OLFM2: variants seen among roughly 807,000 people sequenced by gnomAD.
OLFM2 encodes the protein olfactomedin 2.
In OLFM2, 20 loss-of-function variants were observed where a neutral mutation model predicts 43.9. That is an observed-to-expected ratio of 0.46 (90% confidence interval 0.32 to 0.66). The LOEUF (loss-of-function observed/expected upper bound fraction) is 0.66. OLFM2 is among the 30% of genes least tolerant of loss of function. OLFM2 has a pLI of 0.04. For synonymous variants in OLFM2, 268 were observed against 278.6 expected (o/e 0.96, Z 0.38); for missense variants, 416 against 643.6 (o/e 0.65, Z 3.83).
chr19:9,886,405 C>G (rs2046587325), intron 1 of OLFM2, among the ~76,000 whole-genome samples: 1 of 151,898 alleles, frequency 6.6e-6, no homozygotes, highest in South Asian at 2.1e-4. Flanking sequence ...TGGGGTTTCA[C>G]CATGTTGGCC....
At chr19:9,913,828 A>C in intron 1 of OLFM2, 2 of 301,920 alleles carry the variant, frequency 6.6e-6, no homozygotes, top group Non-Finnish European at 9.8e-6. Context: ...CTCCTCTTAT[A>C]AAGCGCCGGC....
chr19:9,878,702 G>A (rs1300633416), intron 1 of OLFM2, among the ~76,000 whole-genome samples: 2 of 152,054 alleles, frequency 1.3e-5, no homozygotes, highest in Non-Finnish European at 2.9e-5. Context: ...TTCCAGATAG[G>A]ACAGCACCCT....
At chr19:9,898,599 T>C (rs1303329031) in intron 1 of OLFM2, among the ~76,000 whole-genome samples, 4 of 151,988 alleles carry the variant, frequency 2.6e-5, no homozygotes, top group East Asian at 1.9e-4. Flanking sequence ...CCTGGGCTCA[T>C]GCGATCCTCC....
Position 9,857,632 on chromosome 19 carries a change from A to C in OLFM2, c.360+83T>G. 1 of 1,599,620 alleles carries C rather than the reference A, an allele frequency of 6.3e-7. No homozygotes were observed. The highest frequency in any genetic ancestry group is 8.6e-7 in the Non-Finnish European group (1 of 1,167,856). On this transcript the variant is annotated intron_variant, in intron 3 of 5. Coordinates refer to ENST00000264833, the MANE Select transcript of OLFM2 (RefSeq NM_058164.4). This position sits in a 1 kb window ranked among gnomAD's most constrained non-coding sequence, Gnocchi z 5.7. ...TCATATTGGACCCTAGATTCTTCCC[A>C]GACATGACTCCATTGTAGGAACTAA...
At chr19:9,864,084 C>A (rs2046383162) in intron 1 of OLFM2, among the ~76,000 whole-genome samples, 1 of 152,216 alleles carries the variant, frequency 6.6e-6, no homozygotes, top group Non-Finnish European at 1.5e-5. Context: ...TCATATCCCA[C>A]CCTGCCCTTG....
intron 1 of OLFM2, among the ~76,000 whole-genome samples, chr19:9,917,705 C>T (rs1268054711): frequency 6.6e-6 from 1 of 152,034 alleles, no homozygotes; most frequent in Non-Finnish European, 1.5e-5. Flanking sequence ...ACTCTTTCTT[C>T]TCCCACTTAA....
chr19:9,917,361 C>T (rs2086390682), intron 1 of OLFM2, among the ~76,000 whole-genome samples: 1 of 149,666 alleles, frequency 6.7e-6, no homozygotes, highest in African/African-American at 2.5e-5. Context: ...TATATCTCTG[C>T]TCTGTCATTG....
At chr19:9,864,592 C>T (rs1010613256) in intron 1 of OLFM2, among the ~76,000 whole-genome samples, 1 of 151,950 alleles carries the variant, frequency 6.6e-6, no homozygotes, top group Non-Finnish European at 1.5e-5. Flanking sequence ...AGAGCCATTG[C>T]GCCTGGCACA....
chr19:9,884,974 C>G (rs956226129), intron 1 of OLFM2, among the ~76,000 whole-genome samples: 1 of 152,192 alleles, frequency 6.6e-6, no homozygotes, highest in South Asian at 2.1e-4. Context: ...CTGCTCTCTT[C>G]CTCCTTCCTC....
At chr19:9,909,195 AG>A (rs2046808296) in intron 1 of OLFM2, among the ~76,000 whole-genome samples, 1 of 152,104 alleles carries the variant, frequency 6.6e-6, no homozygotes, top group African/African-American at 2.4e-5. Flanking sequence ...ATAAAGCAAA[AG>A]GTCCCCCTCA....
At chr19:9,902,403 G>C (rs910433394) in intron 1 of OLFM2, among the ~76,000 whole-genome samples, 1 of 129,568 alleles carries the variant, frequency 7.7e-6, no homozygotes. Context: ...TTTTTTTTGA[G>C]ATGGAGTCTC....
At chr19:9,917,476 G>A (rs369665606) in intron 1 of OLFM2, among the ~76,000 whole-genome samples, 1 of 152,160 alleles carries the variant, frequency 6.6e-6, no homozygotes, top group East Asian at 1.9e-4. Flanking sequence ...GCCACTGGAG[G>A]GAGATCGGAG....
intron 1 of OLFM2, among the ~76,000 whole-genome samples, chr19:9,920,441 A>G (rs965773439): frequency 2.6e-5 from 4 of 152,104 alleles, no homozygotes; most frequent in Non-Finnish European, 4.4e-5. Context: ...GTCAGAAATG[A>G]GAGATTATTT....
chr19:9,882,798 A>G (rs994419504), intron 1 of OLFM2, among the ~76,000 whole-genome samples: 2 of 150,582 alleles, frequency 1.3e-5, no homozygotes, highest in African/African-American at 4.9e-5. Flanking sequence ...TAGCCTCAGC[A>G]CCTCAGGAGG....
At chr19:9,864,560 C>T (rs1398241523) in intron 1 of OLFM2, among the ~76,000 whole-genome samples, 4 of 152,132 alleles carry the variant, frequency 2.6e-5, no homozygotes, top group African/African-American at 9.7e-5. Context: ...CTTGGCCTCC[C>T]GAAGTGCTGG....
rs186572412 is a variant in OLFM2 at position 9,933,013 on chromosome 19, G to A, written c.63+3291C>T. Among the ~76,000 whole-genome samples, 74 of 151,988 alleles carry A rather than the reference G, an allele frequency of 4.9e-4. 2 individuals are homozygous for A. In the East Asian group the frequency reaches 0.012, roughly 25 times the overall value. On this transcript the variant is annotated intron_variant, in intron 1 of 5. Coordinates refer to ENST00000264833, the MANE Select transcript of OLFM2 (RefSeq NM_058164.4). ...CTGGCTTCCCCGGCCTCATCTCCCC[G>A]CGACCTCTCCAGCCACACCAGCGTC... is the stretch of plus-strand genomic sequence containing the variant.
chr19:9,889,709 G>A (rs895955760), intron 1 of OLFM2, among the ~76,000 whole-genome samples: 1 of 152,120 alleles, frequency 6.6e-6, no homozygotes, highest in Non-Finnish European at 1.5e-5. Context: ...CTGTGTGTTC[G>A]GCTGGGTATG....
chr19:9,936,346 C>T lies in OLFM2; in HGVS notation c.21G>A (p.Pro7=). The T allele has an allele frequency of 6.7e-7, 1 of 1,503,304 alleles. No homozygotes were observed. Among genetic ancestry groups the T allele is most frequent in the Admixed American group, 2.1e-5 (1 of 48,482 alleles). 93.1% of individuals were successfully genotyped at this position (1,503,304 alleles called of 1,614,324 possible). A position where few individuals can be genotyped will look rare whatever the true frequency, so the allele number is the denominator to read the frequency against. The change falls in exon 1 of 6, where the codon CCG becomes CCA. Residue 7 remains proline, a synonymous_variant. Transcript: ENST00000264833. Reference sequence around the variant, plus strand: ...AGCACAGCAGCAGCAGCAGCGGCGGCGGGACCGTGAGCGGCCACATGACGC... The same window carrying T: ...AGCACAGCAGCAGCAGCAGCGGCGGTGGGACCGTGAGCGGCCACATGACGC... MWPLTV[P]PPLLLLLCSG...
chr19:9,890,453 A>T (rs2046628924), intron 1 of OLFM2, among the ~76,000 whole-genome samples: 1 of 152,232 alleles, frequency 6.6e-6, no homozygotes, highest in African/African-American at 2.4e-5. Context: ...GAGAAGGAAT[A>T]AAGTGCGTGC....
Sources: gnomAD v4.1 joint callset for allele counts (sites outside exome capture counted in the v4.1 genomes callset) on GRCh38, gnomAD v4.1.1 for gene constraint, Gnocchi (gnomAD v3.1) non-coding constraint, MANE v1.5 for transcripts, NCBI Gene and HGNC (gene_info 2026-07-23, HGNC 2026-07-21) for gene names.